The following ASNS variants were observed in gnomAD, a reference collection of about 807,000 sequenced individuals.
ASNS encodes the protein asparagine synthetase (glutamine-hydrolyzing).
Under a neutral mutation model 62.6 loss-of-function variants are expected in ASNS, and 37 were observed. That is an observed-to-expected ratio of 0.59 (90% confidence interval 0.45 to 0.78). The LOEUF (loss-of-function observed/expected upper bound fraction) is 0.78. Ranked by LOEUF, ASNS falls within the 30% of genes least tolerant of loss-of-function variation. The probability of loss-of-function intolerance (pLI) is 0.00; values close to 1 mark genes in which losing one functional copy is unlikely to be tolerated. For missense variants in ASNS, 520 were observed against 682.4 expected, an observed-to-expected ratio of 0.76 and a Z score of 2.65; for synonymous variants, 207 against 237.9, an observed-to-expected ratio of 0.87 and a Z score of 1.19.
At chr7:97,916,963 T>G in the ASNS span, among the ~76,000 whole-genome samples, 1 of 152,100 alleles carries the variant, frequency 6.6e-6, no homozygotes, top group South Asian at 2.1e-4. Flanking sequence ...TGAAGTGTCC[T>G]ACCCCACAGT....
chr7:97,870,523 A>T (rs1792203665), intron 1 of ASNS, among the ~76,000 whole-genome samples: 1 of 152,192 alleles, frequency 6.6e-6, no homozygotes, highest in African/African-American at 2.4e-5. Context: ...CCAGAACCAA[A>T]TAATATATGG....
chr7:97,922,798 T>C, the ASNS span, among the ~76,000 whole-genome samples: 1 of 152,206 alleles, frequency 6.6e-6, no homozygotes, highest in Non-Finnish European at 1.5e-5. Context: ...TATTTATTTA[T>C]TTATTTTTGA....
the ASNS span, among the ~76,000 whole-genome samples, chr7:97,879,115 C>T: frequency 6.6e-6 from 1 of 151,706 alleles, no homozygotes; most frequent in East Asian, 1.9e-4. Context: ...GAAACTGGAT[C>T]CCTTCCTTAC....
At chr7:97,901,578 G>T in the ASNS span, among the ~76,000 whole-genome samples, 1 of 152,222 alleles carries the variant, frequency 6.6e-6, no homozygotes, top group Non-Finnish European at 1.5e-5. Context: ...AGGAGACAGA[G>T]AGTGAGAACT....
At chr7:97,854,993 T>A (rs1376119554) in intron 9 of ASNS, 6 of 326,492 alleles carry the variant, frequency 1.8e-5, no homozygotes, top group South Asian at 3.8e-5. Context: ...TTTTTTTTTT[T>A]AAGAGACGGG....
the ASNS span, among the ~76,000 whole-genome samples, chr7:97,886,535 C>T: frequency 1.3e-5 from 2 of 152,052 alleles, no homozygotes; most frequent in Non-Finnish European, 2.9e-5. Flanking sequence ...GGAAGACTTG[C>T]CCCCTTGCCC....
At chr7:97,867,425 AC>A in intron 3 of ASNS, among the ~76,000 whole-genome samples, 1 of 152,306 alleles carries the variant, frequency 6.6e-6, no homozygotes, top group African/African-American at 2.4e-5. Flanking sequence ...AATGGAACAA[AC>A]TTCTCTACTT....
the ASNS span, among the ~76,000 whole-genome samples, chr7:97,926,087 C>T: frequency 6.8e-6 from 1 of 146,452 alleles, no homozygotes; most frequent in Middle Eastern, 3.2e-3. Flanking sequence ...ACATGCCCTG[C>T]AGCAGGACTT....
the ASNS span, among the ~76,000 whole-genome samples, chr7:97,885,253 A>G: frequency 9.2e-5 from 14 of 152,376 alleles, no homozygotes; most frequent in South Asian, 1.4e-3. Flanking sequence ...ATAATATTCC[A>G]TTGCATAGTC....
the ASNS span, among the ~76,000 whole-genome samples, chr7:97,890,840 G>C: frequency 1.3e-5 from 2 of 152,190 alleles, no homozygotes; most frequent in Admixed American, 6.5e-5. Flanking sequence ...GGTCCTACAA[G>C]AAATGTTTAA....
At chr7:97,854,973 A>T in intron 9 of ASNS, 1 of 374,790 alleles carries the variant, frequency 2.7e-6, no homozygotes, top group Non-Finnish European at 4.6e-6. Flanking sequence ...ATTTATTTTT[A>T]ACTTTTTTTT....
chr7:97,868,762 C>T (rs1359747443), intron 3 of ASNS, 146 bp downstream of exon 3: 2 of 1,157,184 alleles, frequency 1.7e-6, no homozygotes, highest in Non-Finnish European at 2.4e-6. Flanking sequence ...TTCATCAGTT[C>T]CCTATTTACA....
chr7:97,923,902 G>A, the ASNS span, among the ~76,000 whole-genome samples: 1 of 152,146 alleles, frequency 6.6e-6, no homozygotes, highest in Non-Finnish European at 1.5e-5. Flanking sequence ...TCCCTGGCAG[G>A]GACCCCTGTC....
intron 4 of ASNS, among the ~76,000 whole-genome samples, chr7:97,861,340 TG>T (rs1791709135): frequency 6.6e-6 from 1 of 152,214 alleles, no homozygotes; most frequent in Admixed American, 6.5e-5. Flanking sequence ...CCATAATTTT[TG>T]TATACGATGT....
chr7:97,901,298 C>T, the ASNS span, among the ~76,000 whole-genome samples: 5 of 152,138 alleles, frequency 3.3e-5, no homozygotes, highest in Non-Finnish European at 5.9e-5. Context: ...TGGGTTCAAG[C>T]GATTCTCCTG....
intron 10 of ASNS, 56 bp downstream of exon 10, chr7:97,854,524 G>GTTTTGTTTTTGGTGTTT (rs1791340416): frequency 6.3e-7 from 1 of 1,582,842 alleles, no homozygotes; most frequent in South Asian, 1.2e-5. Flanking sequence ...TTTTTGTTTT[G>GTTTTGTTTTTGGTGTTT]TTTTGTTTTT....
At chr7:97,888,132 C>T in the ASNS span, among the ~76,000 whole-genome samples, 1 of 152,128 alleles carries the variant, frequency 6.6e-6, no homozygotes, top group Admixed American at 6.5e-5. Flanking sequence ...TGCCACCATG[C>T]CTGGCTAATT....
intron 7 of ASNS, 100 bp from the exon 8 acceptor site, chr7:97,856,916 G>A: frequency 8.0e-7 from 1 of 1,246,140 alleles, no homozygotes; most frequent in African/African-American, 1.5e-5. Flanking sequence ...AATTAACAAT[G>A]GTGAAAACTA....
At chr7:97,896,711 T>TACACACACACAC in the ASNS span, among the ~76,000 whole-genome samples, 9 of 44,282 alleles carry the variant, frequency 2.0e-4, no homozygotes, top group African/African-American at 5.4e-4. Context: ...TGTATATATA[T>TACACACACACAC]ACACACACAC....
Sources: allele counts gnomAD v4.1 joint callset (sites outside exome capture counted in the v4.1 genomes callset), GRCh38; gene constraint gnomAD v4.1.1; transcripts MANE v1.5; gene names NCBI Gene and HGNC (gene_info 2026-07-23, HGNC 2026-07-21).